LINGO2: variants seen among roughly 807,000 people sequenced by gnomAD.
LINGO2 encodes leucine-rich repeat and immunoglobulin-like domain-containing nogo receptor-interacting protein 2.
LINGO2 carries 14 observed loss-of-function variants against 30.6 expected under a neutral mutation model. That is an observed-to-expected ratio of 0.46 (90% CI 0.30 to 0.72). The LOEUF (loss-of-function observed/expected upper bound fraction) is 0.72, where lower values mean the gene tolerates loss of function less well. Ranked by LOEUF, LINGO2 falls within the 30% of genes least tolerant of loss-of-function variation. The pLI, the probability that LINGO2 is intolerant of heterozygous loss-of-function variation, is 0.07. For missense variants in LINGO2, 729 were observed against 751.7 expected, an observed-to-expected ratio of 0.97 and a Z score of 0.35; for synonymous variants, 317 against 288.5, an observed-to-expected ratio of 1.10 and a Z score of -1.00.
chr9:28,853,542 C>T, the LINGO2 span, among the ~76,000 whole-genome samples: 1 of 151,974 alleles, frequency 6.6e-6, no homozygotes, highest in Non-Finnish European at 1.5e-5. Context: ...GTAGTTCATT[C>T]TCACATTGGT....
the LINGO2 span, among the ~76,000 whole-genome samples, chr9:28,753,447 C>T: frequency 6.6e-6 from 1 of 152,052 alleles, no homozygotes; most frequent in Admixed American, 6.5e-5. Context: ...TAGCTACTCT[C>T]TTCAGAGTTA....
At chr9:29,017,657 GAGA>G in the LINGO2 span, among the ~76,000 whole-genome samples, 1 of 152,054 alleles carries the variant, frequency 6.6e-6, no homozygotes, top group African/African-American at 2.4e-5. Context: ...ACAGAGAACA[GAGA>G]AGAACAAAAC....
At chr9:28,389,420 A>G (rs898636260) in intron 2 of LINGO2, among the ~76,000 whole-genome samples, 3 of 152,198 alleles carry the variant, frequency 2.0e-5, no homozygotes, top group Non-Finnish European at 2.9e-5. Flanking sequence ...TTAAAGTTTT[A>G]TATCATAAAC....
intron 1 of LINGO2, among the ~76,000 whole-genome samples, chr9:28,538,015 A>C (rs1452228425): frequency 6.6e-6 from 1 of 152,088 alleles, no homozygotes; most frequent in Non-Finnish European, 1.5e-5. Context: ...CACAGTTAAC[A>C]AGACAGTGAA....
chr9:28,557,023 A>T (rs1267114617), intron 1 of LINGO2, among the ~76,000 whole-genome samples: 1 of 151,470 alleles, frequency 6.6e-6, no homozygotes, highest in Non-Finnish European at 1.5e-5. Context: ...CTTAAACGTT[A>T]GACCTAAAAC....
chr9:28,317,617 A>T (rs1236313877), intron 3 of LINGO2, among the ~76,000 whole-genome samples: 3 of 151,838 alleles, frequency 2.0e-5, no homozygotes, highest in African/African-American at 7.2e-5. Flanking sequence ...ATTTTAATGG[A>T]TTCATTATTC....
intron 2 of LINGO2, among the ~76,000 whole-genome samples, chr9:28,422,233 C>T (rs1001411559): frequency 7.2e-5 from 11 of 152,000 alleles, no homozygotes; most frequent in East Asian, 1.9e-4. Context: ...AGGCAACCTA[C>T]ATAATGAGTG....
intron 1 of LINGO2, among the ~76,000 whole-genome samples, chr9:28,527,198 A>T (rs571075750): frequency 6.6e-6 from 1 of 152,288 alleles, no homozygotes; most frequent in South Asian, 2.1e-4. Context: ...ACAATTGATG[A>T]CAATTAAATA....
intron 3 of LINGO2, among the ~76,000 whole-genome samples, chr9:28,363,188 G>A (rs1820522515): frequency 6.6e-6 from 1 of 152,150 alleles, no homozygotes; most frequent in Non-Finnish European, 1.5e-5. Flanking sequence ...CACAGTAAGT[G>A]GAAAAACTGG....
the LINGO2 span, among the ~76,000 whole-genome samples, chr9:28,974,772 T>G: frequency 1.3e-5 from 2 of 152,090 alleles, no homozygotes; most frequent in Non-Finnish European, 2.9e-5. Context: ...GTATTTGTAT[T>G]ATCTCATATC....
the LINGO2 span, among the ~76,000 whole-genome samples, chr9:28,726,188 T>G: frequency 6.6e-6 from 1 of 152,166 alleles, no homozygotes; most frequent in East Asian, 1.9e-4. Context: ...TATTTGCTTT[T>G]TAAGAGCTCT....
chr9:28,708,046 TC>T, the LINGO2 span, among the ~76,000 whole-genome samples: 1 of 152,086 alleles, frequency 6.6e-6, no homozygotes, highest in Non-Finnish European at 1.5e-5. Context: ...TTTTTTAACT[TC>T]CTCTATTTCA....
the LINGO2 span, among the ~76,000 whole-genome samples, chr9:28,898,580 G>C: frequency 6.6e-6 from 1 of 151,856 alleles, no homozygotes; most frequent in Non-Finnish European, 1.5e-5. Flanking sequence ...CATAGTAATC[G>C]ACCCCTTTTT....
intron 5 of LINGO2, among the ~76,000 whole-genome samples, chr9:27,981,538 AAAAAAAAAAAAAG>A (rs1379415583): frequency 1.6e-5 from 2 of 122,246 alleles, no homozygotes; most frequent in South Asian, 3.0e-4. Context: ...GGATGGCAAA[AAAAAAAAAAAAAG>A]AAAAAAAAGA....
In LINGO2 at chr9:28,591,523, A is replaced by G. The variant is rs143467137; in HGVS notation, c.-365+78677T>C. On this transcript the variant is annotated intron_variant, in intron 1 of 5. Coordinates refer to ENST00000379992, the Ensembl canonical transcript of LINGO2. ...CTTCCAGAAAGTTCTGGTCTTCTGT[A>G]CTCAGAGATTGTTAATAACTTGTTT... Among the ~76,000 whole-genome samples the G allele has an allele frequency of 5.3e-5, 8 of 152,120 alleles. No individual in the cohort carries two copies. The East Asian group carries it at 1.6e-3, about 30-fold the overall frequency.
At chr9:28,957,024 C>G in the LINGO2 span, among the ~76,000 whole-genome samples, 1 of 151,920 alleles carries the variant, frequency 6.6e-6, no homozygotes, top group Non-Finnish European at 1.5e-5. Context: ...CTAAGCAGGA[C>G]TAAGTGGGAG....
chr9:28,156,362 T>C (rs1198317290), intron 4 of LINGO2, among the ~76,000 whole-genome samples: 2 of 152,160 alleles, frequency 1.3e-5, no homozygotes, highest in Non-Finnish European at 2.9e-5. Flanking sequence ...TAGATCCAAT[T>C]AGAATTGTTA....
intron 3 of LINGO2, among the ~76,000 whole-genome samples, chr9:28,362,261 T>C (rs993943427): frequency 6.6e-6 from 1 of 152,158 alleles, no homozygotes; most frequent in Admixed American, 6.5e-5. Context: ...CGTGTGTGTG[T>C]GCATGTGTGC....
At chr9:28,196,978 T>C (rs74950158) in intron 4 of LINGO2, among the ~76,000 whole-genome samples, 2,807 of 152,050 alleles carry the variant, frequency 0.018, 87 homozygotes, top group African/African-American at 0.064. Context: ...ATCTACTGTC[T>C]GGTAGCACAA....
Sources: allele counts gnomAD v4.1 joint callset (sites outside exome capture counted in the v4.1 genomes callset), GRCh38; gene constraint gnomAD v4.1.1; transcripts MANE v1.5; gene names NCBI Gene and HGNC (gene_info 2026-07-23, HGNC 2026-07-21).